Variants in CCDC170 observed in about 807,000 individuals in gnomAD.
The protein encoded by CCDC170 is coiled-coil domain-containing protein 170.
CCDC170 carries 69 observed loss-of-function variants against 72.6 expected under a neutral mutation model. The ratio of observed to expected loss-of-function variants is 0.95; its 90% CI spans 0.78 to 1.16. The LOEUF (loss-of-function observed/expected upper bound fraction) is 1.16. Among genes scored for constraint, CCDC170 ranks in the 50% most tolerant of loss-of-function variants. The probability of loss-of-function intolerance (pLI) is 0.00; values close to 1 mark genes in which losing one functional copy is unlikely to be tolerated. For missense variants in CCDC170, 852 were observed against 832.5 expected (o/e 1.02, Z -0.29); for synonymous variants, 300 against 303.9 (o/e 0.99, Z 0.13).
intron 1 of CCDC170, among the ~76,000 whole-genome samples, chr6:151,506,890 T>G (rs1232960597): frequency 6.6e-5 from 10 of 152,232 alleles, no homozygotes; most frequent in Admixed American, 6.5e-4. Flanking sequence ...CCCTTTAGAC[T>G]TGAGCTGCAA....
chr6:151,543,941 A>G (rs1262344773), intron 3 of CCDC170, among the ~76,000 whole-genome samples: 1 of 152,160 alleles, frequency 6.6e-6, no homozygotes, highest in Admixed American at 6.5e-5. Context: ...GGGTTCAGAC[A>G]TCTCTTCGAT....
intron 3 of CCDC170, 85 bp downstream of exon 3, chr6:151,538,386 G>T: frequency 7.7e-7 from 1 of 1,296,790 alleles, no homozygotes; most frequent in South Asian, 1.4e-5. Context: ...GAAAGTACTG[G>T]CATTTTGCAT....
At chr6:151,526,980 G>C (rs1232441960) in intron 1 of CCDC170, among the ~76,000 whole-genome samples, 1 of 151,150 alleles carries the variant, frequency 6.6e-6, no homozygotes, top group African/African-American at 2.4e-5. Flanking sequence ...TGCCTCCCAG[G>C]CTCAAGCAAT....
intron 1 of CCDC170, among the ~76,000 whole-genome samples, chr6:151,524,427 G>A (rs1017190780): frequency 6.6e-6 from 1 of 152,130 alleles, no homozygotes; most frequent in Non-Finnish European, 1.5e-5. Flanking sequence ...GGCCTCTGAA[G>A]CCAATAAAGA....
At chr6:151,506,573 C>A (rs990135196) in intron 1 of CCDC170, among the ~76,000 whole-genome samples, 2 of 152,174 alleles carry the variant, frequency 1.3e-5, no homozygotes, top group African/African-American at 2.4e-5. Context: ...ACAGTTTATT[C>A]CTTCTCCAAT....
At chr6:151,607,933 T>G (rs917974186) in intron 9 of CCDC170, among the ~76,000 whole-genome samples, 1 of 152,216 alleles carries the variant, frequency 6.6e-6, no homozygotes, top group Non-Finnish European at 1.5e-5. Flanking sequence ...GATTTTAATG[T>G]GTTTTCCATC....
intron 9 of CCDC170, among the ~76,000 whole-genome samples, chr6:151,609,787 C>T (rs953928158): frequency 6.6e-6 from 1 of 152,200 alleles, no homozygotes; most frequent in Non-Finnish European, 1.5e-5. Context: ...CCCTGTTCTG[C>T]CCTGGTGGCT....
intron 10 of CCDC170, 29 bp downstream of exon 10, chr6:151,615,708 G>C (rs1562301249): frequency 6.8e-7 from 1 of 1,480,328 alleles, no homozygotes; most frequent in African/African-American, 1.4e-5. Flanking sequence ...ATGAAACCTT[G>C]TTTAGGAAAT....
rs921785796 is a variant in CCDC170, at chr6:151,620,435, G to C, written c.*2288G>C. The C allele has an allele frequency of 6.6e-6, 1 of 152,434 alleles. No homozygotes were observed. Among genetic ancestry groups the C allele is most frequent in the African/African-American group, 2.4e-5 (1 of 41,480 alleles). The allele number at this position is 152,434 out of a possible 1,614,324, so 9.4% of individuals were successfully genotyped here. On this transcript the variant is annotated 3_prime_UTR_variant, in exon 11 of 11. Coordinates refer to ENST00000239374, the MANE Select transcript of CCDC170 (RefSeq NM_025059.4). ...GGCTGAGGTCACTAGGCTGGCCAGA[G>C]GCAGGACAGGCAGTCTTGAATTTCC...
chr6:151,531,618 T>G (rs899445710), intron 1 of CCDC170, among the ~76,000 whole-genome samples: 1 of 152,224 alleles, frequency 6.6e-6, no homozygotes, highest in African/African-American at 2.4e-5. Context: ...AAATGTCCGT[T>G]ATTGCTATTA....
chr6:151,599,463 TAGG>T (rs1338819342), intron 9 of CCDC170, among the ~76,000 whole-genome samples: 2 of 152,200 alleles, frequency 1.3e-5, no homozygotes, highest in East Asian at 3.9e-4. Flanking sequence ...AATAGGTGAA[TAGG>T]AGGTCTGGTT....
At chr6:151,559,549 A>G (rs1783042139) in intron 5 of CCDC170, among the ~76,000 whole-genome samples, 1 of 152,064 alleles carries the variant, frequency 6.6e-6, no homozygotes, top group Non-Finnish European at 1.5e-5. Context: ...TTGTATGTTT[A>G]TTTTGTATTC....
chr6:151,589,763 C>T (rs1379475177), intron 7 of CCDC170, among the ~76,000 whole-genome samples: 1 of 152,148 alleles, frequency 6.6e-6, no homozygotes, highest in African/African-American at 2.4e-5. Context: ...GTCAGTGGTT[C>T]TCTGGTGCCC....
At chr6:151,607,283 G>A (rs375343112) in intron 9 of CCDC170, among the ~76,000 whole-genome samples, 3 of 152,188 alleles carry the variant, frequency 2.0e-5, no homozygotes, top group African/African-American at 7.2e-5. Flanking sequence ...TTACATTCAA[G>A]GTTGTTATTC....
At position 151,494,670 on chromosome 6, in the gene CCDC170, TTAC is replaced by T. The variant is rs201318669; in HGVS notation, c.57+487_57+489del. On this transcript the variant is annotated intron_variant, in intron 1 of 10. Transcript: ENST00000239374. ...GTTGTTCCTGAATGCATCTACTCAT[TTAC>T]TCCCAGGAGTTACTTAGGTACTGGG... Among the ~76,000 whole-genome samples the T allele has an allele frequency of 1.3e-3, 205 of 152,306 alleles. 2 individuals carry two copies. Among genetic ancestry groups the T allele is most frequent in the Middle Eastern group, 6.8e-3 (2 of 294 alleles).
intron 1 of CCDC170, among the ~76,000 whole-genome samples, chr6:151,509,087 T>A (rs930724994): frequency 1.3e-5 from 2 of 151,890 alleles, no homozygotes; most frequent in African/African-American, 4.8e-5. Flanking sequence ...CTAAAATTTA[T>A]CAAGTGTCTA....
chr6:151,618,207 A>G lies in CCDC170; in HGVS notation c.*60A>G, dbSNP rs1437637829. On this transcript the variant is annotated 3_prime_UTR_variant, in exon 11 of 11. Coordinates refer to ENST00000239374, the MANE Select transcript of CCDC170 (RefSeq NM_025059.4). ...ATGGCACACAATTCCCAATTTCACAAATTCCTCATGTCTTTGAGATTTGAT... is the reference window on the plus strand; with the variant it reads ...ATGGCACACAATTCCCAATTTCACAGATTCCTCATGTCTTTGAGATTTGAT... 1 of 1,397,716 alleles carries G rather than the reference A, an allele frequency of 7.2e-7. No homozygotes were observed. Among genetic ancestry groups the G allele is most frequent in the Non-Finnish European group, 1.0e-6 (1 of 994,156 alleles). The allele number at this position is 1,397,716 out of a possible 1,614,324, so 86.6% of individuals were successfully genotyped here.
At chr6:151,528,798 A>C (rs1782449517) in intron 1 of CCDC170, among the ~76,000 whole-genome samples, 1 of 152,088 alleles carries the variant, frequency 6.6e-6, no homozygotes, top group Non-Finnish European at 1.5e-5. Context: ...AGATCGTGCC[A>C]CTGCACTCCA....
chr6:151,545,635 T>C (rs1782760185), intron 4 of CCDC170, among the ~76,000 whole-genome samples: 1 of 152,100 alleles, frequency 6.6e-6, no homozygotes, highest in South Asian at 2.1e-4. Flanking sequence ...TTTTTTTTGT[T>C]TGTTTGTTTT....
Sources: allele counts gnomAD v4.1 joint callset (sites outside exome capture counted in the v4.1 genomes callset), GRCh38; gene constraint gnomAD v4.1.1; transcripts MANE v1.5; gene names NCBI Gene and HGNC (gene_info 2026-07-23, HGNC 2026-07-21).